FRMD3: variants seen among roughly 807,000 people sequenced by gnomAD.
FRMD3 encodes the protein FERM domain-containing protein 3.
In FRMD3, 33 loss-of-function variants were observed where a neutral mutation model predicts 70.2. That is an observed-to-expected ratio of 0.47 (90% CI 0.36 to 0.63). FRMD3 has a LOEUF of 0.63. Ranked by LOEUF, FRMD3 falls within the 20% of genes least tolerant of loss-of-function variation. The pLI is 0.00. For missense variants in FRMD3, 632 were observed against 711.4 expected, an observed-to-expected ratio of 0.89 and a Z score of 1.27; for synonymous variants, 279 against 255.9, an observed-to-expected ratio of 1.09 and a Z score of -0.86.
chr9:83,267,328 AT>A (rs1833316121), intron 13 of FRMD3: 2 of 1,416,766 alleles, frequency 1.4e-6, no homozygotes. Context: ...AGGGGACGCT[AT>A]TTTTAAACTC....
chr9:83,579,540 A>G, the FRMD3 span, among the ~76,000 whole-genome samples: 1 of 152,034 alleles, frequency 6.6e-6, no homozygotes, highest in Non-Finnish European at 1.5e-5. Flanking sequence ...AGAAAGGATG[A>G]CCTCTTCAAC....
At chr9:83,358,192 T>A (rs934084745) in intron 3 of FRMD3, among the ~76,000 whole-genome samples, 4 of 152,218 alleles carry the variant, frequency 2.6e-5, no homozygotes, top group Non-Finnish European at 1.5e-5. Context: ...GAACAGGGTG[T>A]CCTTTCCCCA....
At chr9:83,540,076 C>A (rs536248415), upstream of FRMD3, among the ~76,000 whole-genome samples, 3 of 152,222 alleles carry the variant, frequency 2.0e-5, no homozygotes, top group East Asian at 5.8e-4. Flanking sequence ...CCTGTTCATC[C>A]CACAGGTGGC....
intron 1 of FRMD3, among the ~76,000 whole-genome samples, chr9:83,522,217 C>G (rs1416724057): frequency 6.6e-6 from 1 of 152,202 alleles, no homozygotes; most frequent in Non-Finnish European, 1.5e-5. Flanking sequence ...AAGAATATCT[C>G]TTTTATAAGT....
intron 1 of FRMD3, among the ~76,000 whole-genome samples, chr9:83,466,196 C>T (rs1828122622): frequency 6.6e-6 from 1 of 152,190 alleles, no homozygotes; most frequent in African/African-American, 2.4e-5. Flanking sequence ...CCTGTAACTA[C>T]CAAGGGATCC....
chr9:83,244,713 A>C lies in FRMD3; in HGVS notation c.*3205T>G. 2.0e-6 allele frequency: 2 copies of C among 984,770 alleles called. No homozygotes were observed. Among genetic ancestry groups the C allele is most frequent in the Non-Finnish European group, 2.4e-6 (2 of 829,344 alleles). 61.0% of individuals were successfully genotyped at this position (984,770 alleles called of 1,614,324 possible). A position where few individuals can be genotyped will look rare whatever the true frequency, so the allele number is the denominator to read the frequency against. On this transcript the variant is annotated 3_prime_UTR_variant, in exon 14 of 14. Transcript: ENST00000304195. ...TTGACATAGAAATGCAAATTTCACT[A>C]TACAAAGGTAAGGCTCCAATCACAG...
At position 83,247,207 on chromosome 9, in the gene FRMD3, T is replaced by A. The variant is rs1832146209; in HGVS notation, c.*711A>T. Reference sequence around the variant, plus strand: ...CCATCCTCTGTTTTAGCAGCTTACTTACTATAGTGTCTTTCTACCCATTTT... The same window carrying A: ...CCATCCTCTGTTTTAGCAGCTTACTAACTATAGTGTCTTTCTACCCATTTT... On this transcript the variant is annotated 3_prime_UTR_variant, in exon 14 of 14. Coordinates refer to ENST00000304195, the MANE Select transcript of FRMD3 (RefSeq NM_174938.6). The A allele has an allele frequency of 1.0e-6, 1 of 985,276 alleles. No individual in the cohort carries two copies. Among genetic ancestry groups the A allele is most frequent in the South Asian group, 4.7e-5 (1 of 21,296 alleles). 61.0% of individuals were successfully genotyped at this position (985,276 alleles called of 1,614,324 possible).
chr9:83,459,009 G>T (rs1313313256), intron 1 of FRMD3, among the ~76,000 whole-genome samples: 3 of 152,102 alleles, frequency 2.0e-5, no homozygotes, highest in African/African-American at 7.2e-5. Context: ...TGTTCATCAA[G>T]TTATTTTATT....
At position 83,313,696 on chromosome 9, in the gene FRMD3, AGT is replaced by A; in HGVS notation, c.646_647del (p.Thr216PhefsTer35). ...AEFNLLLKAHTLETYGVDPHP... is the reference protein window; with the variant it reads ...AEFNLLLKAHXLETYGVDPHP... ...GAGGATCCACCCCGTAGGTTTCCAA[AGT>A]GTGAGCTTTCAGGAGCAAGTTAAAT... is the stretch of plus-strand genomic sequence containing the variant. On this transcript the variant is annotated frameshift_variant, in exon 7 of 14. Coordinates refer to ENST00000304195, the MANE Select transcript of FRMD3 (RefSeq NM_174938.6). LOFTEE classifies it high-confidence loss of function. 5 of 1,614,156 alleles carry A rather than the reference AGT, an allele frequency of 3.1e-6. No homozygotes were observed. The highest frequency in any genetic ancestry group is 4.2e-6 in the Non-Finnish European group (5 of 1,179,982).
chr9:83,412,606 C>G (rs1397101332), intron 1 of FRMD3, among the ~76,000 whole-genome samples: 1 of 152,222 alleles, frequency 6.6e-6, no homozygotes, highest in Non-Finnish European at 1.5e-5. Flanking sequence ...TTTCCTTATG[C>G]CAGTGATACG....
intron 2 of FRMD3, among the ~76,000 whole-genome samples, chr9:83,373,659 T>C (rs1217167443): frequency 6.6e-6 from 1 of 152,154 alleles, no homozygotes; most frequent in South Asian, 2.1e-4. Context: ...CACTTCGACA[T>C]GCTGAGAGCT....
intron 1 of FRMD3, among the ~76,000 whole-genome samples, chr9:83,450,228 C>G (rs375868575): frequency 8.5e-5 from 12 of 140,408 alleles, no homozygotes; most frequent in Admixed American, 3.6e-4. Context: ...CACACACACA[C>G]AGACACACAC....
At chr9:83,319,568 T>C (rs967374146) in intron 6 of FRMD3, among the ~76,000 whole-genome samples, 2 of 152,176 alleles carry the variant, frequency 1.3e-5, no homozygotes, top group Admixed American at 1.3e-4. Flanking sequence ...ATTACAGGCA[T>C]GTGCCACCAG....
At chr9:83,532,531 G>A (rs114826380) in intron 1 of FRMD3, among the ~76,000 whole-genome samples, 1 of 152,122 alleles carries the variant, frequency 6.6e-6, no homozygotes, top group African/African-American at 2.4e-5. Context: ...CTCATGAAAG[G>A]TTTATTGTAA....
intron 1 of FRMD3, among the ~76,000 whole-genome samples, chr9:83,401,281 G>A (rs1825943862): frequency 6.6e-6 from 1 of 152,194 alleles, no homozygotes; most frequent in Admixed American, 6.5e-5. Context: ...TCAGAGTCCA[G>A]AAAGAAAAGA....
intron 1 of FRMD3, among the ~76,000 whole-genome samples, chr9:83,528,905 A>G (rs1437595928): frequency 6.6e-6 from 1 of 152,234 alleles, no homozygotes; most frequent in African/African-American, 2.4e-5. Context: ...ATATATAGAC[A>G]GAATTATTTA....
At chr9:83,492,868 G>T (rs918066342) in intron 1 of FRMD3, among the ~76,000 whole-genome samples, 1 of 152,124 alleles carries the variant, frequency 6.6e-6, no homozygotes, top group South Asian at 2.1e-4. Flanking sequence ...CGTCAAGCTC[G>T]TCCTCATAGC....
intron 1 of FRMD3, among the ~76,000 whole-genome samples, chr9:83,391,734 G>T (rs543611533): frequency 6.6e-6 from 1 of 152,300 alleles, no homozygotes; most frequent in South Asian, 2.1e-4. Context: ...GCAGTGATTA[G>T]AGCAGGCAAC....
intron 1 of FRMD3, among the ~76,000 whole-genome samples, chr9:83,490,931 T>C (rs576925289): frequency 2.7e-4 from 41 of 152,234 alleles, no homozygotes; most frequent in African/African-American, 9.2e-4. Context: ...CCAAAATATG[T>C]CCTGAGCTCA....
Sources: allele counts gnomAD v4.1 joint callset (sites outside exome capture counted in the v4.1 genomes callset), GRCh38; gene constraint gnomAD v4.1.1; transcripts MANE v1.5; gene names NCBI Gene and HGNC (gene_info 2026-07-23, HGNC 2026-07-21).